The following GAGE13 variants were observed in gnomAD, a reference collection of about 807,000 sequenced individuals.
GAGE13 encodes G antigen 13, also known as G antigen 12A.
rs1415282635 is a variant in GAGE13 at position 49,337,688 on chromosome X, A to G, written c.332-1148A>G. ...TTTATTTATTTATTTATTTATTGTT[A>G]TACTTTAAGTTTTAGGGTACATGTG... On this transcript the variant is annotated intron_variant, in intron 4 of 4. Transcript: ENST00000612958. 4.8e-4 allele frequency among the ~76,000 whole-genome samples: 27 copies of G among 55,912 alleles called. 5 individuals carry two copies. Among genetic ancestry groups the G allele is most frequent in the African/African-American group, 1.5e-3 (25 of 17,009 alleles). The allele number at this position is 55,912 out of a possible 115,157, so 48.6% of individuals were successfully genotyped here. A position where few individuals can be genotyped will look rare whatever the true frequency, so the allele number is the denominator to read the frequency against.
chrX:49,335,164 C>G (rs1361707506), intron 3 of GAGE13, among the ~76,000 whole-genome samples: 1 of 100,808 alleles, frequency 9.9e-6, no homozygotes, highest in Non-Finnish European at 2.0e-5. Flanking sequence ...CACATACATA[C>G]GGATATATGT....
intron 4 of GAGE13, among the ~76,000 whole-genome samples, chrX:49,337,671 T>G (rs2066488663): frequency 1.6e-5 from 1 of 64,343 alleles, no homozygotes; most frequent in South Asian, 8.0e-4. Context: ...TATTTATTTA[T>G]TTATTTATTT....
chrX:49,335,162 TAC>T (rs2066480374), intron 3 of GAGE13, among the ~76,000 whole-genome samples: 7 of 98,097 alleles, frequency 7.1e-5, no homozygotes, highest in African/African-American at 1.9e-4. Context: ...CACACATACA[TAC>T]GGATATATGT....
intron 4 of GAGE13, among the ~76,000 whole-genome samples, chrX:49,337,640 CT>C (rs1266986060): frequency 1.8e-5 from 1 of 56,964 alleles, no homozygotes; most frequent in Admixed American, 1.7e-4. Flanking sequence ...ACAATTGCTT[CT>C]TTTTTTTCTT....
intron 4 of GAGE13, among the ~76,000 whole-genome samples, chrX:49,337,682 A>AT (rs2066488785): frequency 1.6e-5 from 1 of 60,846 alleles, no homozygotes; most frequent in African/African-American, 5.0e-5. Context: ...TTATTTATTT[A>AT]TTGTTATACT....
chrX:49,332,208 A>AG (rs1259942323), intron 1 of GAGE13, among the ~76,000 whole-genome samples: 4 of 80,316 alleles, frequency 5.0e-5, no homozygotes, highest in Admixed American at 1.3e-4. Context: ...ACTTGTTGTG[A>AG]GGGGGGGTGA....
intron 3 of GAGE13, among the ~76,000 whole-genome samples, chrX:49,335,443 G>A (rs1305920581): frequency 1.8e-5 from 2 of 110,711 alleles, no homozygotes; most frequent in Admixed American, 1.9e-4. Flanking sequence ...CTGTGGGCCA[G>A]GTTGGAGTGC....
chrX:49,335,459 T>A (rs1452327502), intron 3 of GAGE13, among the ~76,000 whole-genome samples: 3 of 109,773 alleles, frequency 2.7e-5, no homozygotes, highest in African/African-American at 3.2e-5. Flanking sequence ...AGTGCAGTAG[T>A]GCGATCTCGG....
intron 4 of GAGE13, among the ~76,000 whole-genome samples, chrX:49,337,656 T>A (rs1478911267): frequency 1.6e-5 from 1 of 62,695 alleles, no homozygotes; most frequent in Non-Finnish European, 3.7e-5. Context: ...TTTCTTTTAT[T>A]TATTTATTTA....
At chrX:49,335,239 A>T (rs1315710393) in intron 3 of GAGE13, among the ~76,000 whole-genome samples, 2,450 of 104,639 alleles carry the variant, frequency 0.023, 1 homozygote, top group African/African-American at 0.081. Flanking sequence ...TACCCTATGT[A>T]CTTGAGGGTG....
intron 1 of GAGE13, among the ~76,000 whole-genome samples, chrX:49,331,895 T>C (rs2066464657): frequency 6.3e-5 from 5 of 78,952 alleles, no homozygotes; most frequent in Non-Finnish European, 1.6e-4. Flanking sequence ...AGGTGGGCCG[T>C]GGAGGGGAGG....
chrX:49,335,245 G>A (rs2066480920), intron 3 of GAGE13, among the ~76,000 whole-genome samples: 1 of 104,256 alleles, frequency 9.6e-6, no homozygotes, highest in Non-Finnish European at 2.0e-5. Flanking sequence ...ATGTACTTGA[G>A]GGTGTGTATA....
intron 1 of GAGE13, among the ~76,000 whole-genome samples, chrX:49,331,997 C>T (rs2066465308): frequency 1.2e-5 from 1 of 80,545 alleles, no homozygotes; most frequent in African/African-American, 3.4e-5. Flanking sequence ...AGGGCAGATT[C>T]CCTGAATGGG....
intron 3 of GAGE13, among the ~76,000 whole-genome samples, chrX:49,335,536 C>G (rs2066482710): frequency 2.0e-5 from 2 of 100,040 alleles, no homozygotes; most frequent in East Asian, 3.2e-4. Flanking sequence ...GTAGCTGGGA[C>G]TACAGGCGCC....
intron 3 of GAGE13, among the ~76,000 whole-genome samples, chrX:49,335,190 C>G (rs1408247162): frequency 2.6e-4 from 28 of 107,584 alleles, no homozygotes; most frequent in South Asian, 4.0e-4. Flanking sequence ...GTTATTAATG[C>G]TGAATTGTCT....
At chrX:49,337,655 T>C (rs1193137064) in intron 4 of GAGE13, among the ~76,000 whole-genome samples, 1 of 60,294 alleles carries the variant, frequency 1.7e-5, no homozygotes, top group Non-Finnish European at 3.8e-5. Flanking sequence ...TTTTCTTTTA[T>C]TTATTTATTT....
At chrX:49,334,945 T>C (rs1171531706) in intron 3 of GAGE13, among the ~76,000 whole-genome samples, 1 of 80,578 alleles carries the variant, frequency 1.2e-5, no homozygotes, top group Non-Finnish European at 2.9e-5. Flanking sequence ...CTTCCTAAAG[T>C]TCAGTGCAGT....
At chrX:49,335,110 C>T (rs1190993116) in intron 3 of GAGE13, among the ~76,000 whole-genome samples, 3 of 73,884 alleles carry the variant, frequency 4.1e-5, no homozygotes, top group Non-Finnish European at 8.4e-5. Context: ...TCTCTTCCCT[C>T]CGTCTCTTAC....
At chrX:49,337,525 C>G (rs2066487955) in intron 4 of GAGE13, among the ~76,000 whole-genome samples, 2 of 14,764 alleles carry the variant, frequency 1.4e-4, no homozygotes, top group Admixed American at 1.4e-3. Context: ...GTGGCTGGAA[C>G]TACATGCACA....
Sources: allele counts gnomAD v4.1 joint callset (sites outside exome capture counted in the v4.1 genomes callset), GRCh38; gene constraint gnomAD v4.1.1; transcripts MANE v1.5; gene names NCBI Gene and HGNC (gene_info 2026-07-23, HGNC 2026-07-21).